The following CNTNAP3 variants were observed in gnomAD, a reference collection of about 807,000 sequenced individuals.
The protein encoded by CNTNAP3 is contactin-associated protein-like 3.
In CNTNAP3, 36 loss-of-function variants were observed where a neutral mutation model predicts 92.1. The ratio of observed to expected loss-of-function variants is 0.39; its 90% CI spans 0.30 to 0.52. The LOEUF (loss-of-function observed/expected upper bound fraction) is 0.52, where lower values mean the gene tolerates loss of function less well. Ranked by LOEUF, CNTNAP3 falls within the 20% of genes least tolerant of loss-of-function variation. The pLI is 0.76. For missense variants in CNTNAP3, 534 were observed against 1,069.6 expected, an observed-to-expected ratio of 0.50 and a Z score of 6.98; for synonymous variants, 232 against 422.3, an observed-to-expected ratio of 0.55 and a Z score of 5.53.
At position 39,228,544 on chromosome 9, in the gene CNTNAP3, C is replaced by CT. The variant is rs1166589488; in HGVS notation, c.390+10448dup. On this transcript the variant is annotated intron_variant, in intron 3 of 23. Coordinates refer to ENST00000297668, the MANE Select transcript of CNTNAP3 (RefSeq NM_033655.5). The stretch of plus-strand genomic sequence containing the variant: ...TATTAAAAACTGTGAGCCGTTGAAT[C>CT]TTTTTTTTTTTTTTTTGAGACAGAG... Among the ~76,000 whole-genome samples, 5 of 3,126 alleles carry CT rather than the reference C, an allele frequency of 1.6e-3. 2 individuals carry two copies. The Non-Finnish European group carries it at 0.14, about 89-fold the overall frequency. 2.1% of individuals were successfully genotyped at this position (3,126 alleles called of 152,430 possible).
chr9:39,109,139 C>A (rs1563880629), intron 15 of CNTNAP3, 21 bp downstream of exon 15: 3 of 1,599,570 alleles, frequency 1.9e-6, no homozygotes, highest in Non-Finnish European at 8.5e-7. Context: ...GAAAATAAAG[C>A]TTTTTCTTGA....
At chr9:39,170,530 G>T (rs1230717049) in intron 8 of CNTNAP3, among the ~76,000 whole-genome samples, 1 of 56,758 alleles carries the variant, frequency 1.8e-5, no homozygotes, top group African/African-American at 1.7e-4. Flanking sequence ...TCAAAATCCA[G>T]CAGCTCTGTA....
chr9:39,092,834 G>T (rs2118447621), intron 18 of CNTNAP3, among the ~76,000 whole-genome samples: 1 of 140,314 alleles, frequency 7.1e-6, no homozygotes, highest in Admixed American at 6.9e-5. Context: ...TTTATTCCTA[G>T]TTTTTCTATT....
intron 21 of CNTNAP3, 66 bp from the exon 22 acceptor site, chr9:39,078,986 G>C (rs1294021237): frequency 4.9e-6 from 7 of 1,430,708 alleles, no homozygotes; most frequent in Non-Finnish European, 6.6e-6. Flanking sequence ...GGCACACCCC[G>C]CATCTGCAAG....
intron 15 of CNTNAP3, among the ~76,000 whole-genome samples, chr9:39,106,287 A>G (rs1826605178): frequency 6.6e-6 from 1 of 152,144 alleles, no homozygotes; most frequent in Admixed American, 6.5e-5. Context: ...TTCTTCATTA[A>G]TCAATTTATT....
intron 8 of CNTNAP3, among the ~76,000 whole-genome samples, chr9:39,170,364 G>A (rs1344369081): frequency 4.1e-5 from 4 of 98,336 alleles, no homozygotes; most frequent in Non-Finnish European, 7.1e-5. Flanking sequence ...ATTACCCCCT[G>A]GTCTCAAGCA....
intron 21 of CNTNAP3, among the ~76,000 whole-genome samples, chr9:39,082,036 G>A (rs572519505): frequency 3.4e-5 from 5 of 148,310 alleles, no homozygotes; most frequent in South Asian, 4.3e-4. Flanking sequence ...GCAGTGAGCC[G>A]AGTTCACGCC....
intron 21 of CNTNAP3, among the ~76,000 whole-genome samples, chr9:39,080,387 A>G (rs1035081923): frequency 2.2e-5 from 3 of 135,874 alleles, no homozygotes; most frequent in Non-Finnish European, 4.8e-5. Context: ...TTACTCTCCC[A>G]TTTTGTAGTT....
At chr9:39,093,428 G>T (rs1826255756) in intron 18 of CNTNAP3, among the ~76,000 whole-genome samples, 1 of 131,302 alleles carries the variant, frequency 7.6e-6, no homozygotes, top group Non-Finnish European at 1.7e-5. Flanking sequence ...AAATTCAGTA[G>T]CATTAAATTC....
intron 23 of CNTNAP3, among the ~76,000 whole-genome samples, chr9:39,076,072 T>C (rs1825754022): frequency 6.6e-6 from 1 of 152,262 alleles, no homozygotes; most frequent in Admixed American, 6.5e-5. Context: ...TTTCATCCCC[T>C]CGTTCAGGCT....
intron 23 of CNTNAP3, among the ~76,000 whole-genome samples, chr9:39,075,877 G>A (rs1825748664): frequency 1.3e-5 from 2 of 152,306 alleles, no homozygotes; most frequent in South Asian, 2.1e-4. Context: ...TTAATCAGAG[G>A]TCTGTCCCAA....
At chr9:39,138,477 CAAGAA>C (rs1821495533) in intron 12 of CNTNAP3, among the ~76,000 whole-genome samples, 1 of 116,136 alleles carries the variant, frequency 8.6e-6, no homozygotes, top group African/African-American at 3.2e-5. Flanking sequence ...CAAAACAAAA[CAAGAA>C]AACAAAACAC....
At chr9:39,076,384 A>C (rs1825764523) in intron 23 of CNTNAP3, among the ~76,000 whole-genome samples, 1 of 152,308 alleles carries the variant, frequency 6.6e-6, no homozygotes, top group African/African-American at 2.4e-5. Flanking sequence ...ATTTGATTTA[A>C]AATTGAACAC....
intron 14 of CNTNAP3, among the ~76,000 whole-genome samples, chr9:39,112,937 C>A (rs572822327): frequency 4.4e-4 from 67 of 152,234 alleles, no homozygotes; most frequent in African/African-American, 1.5e-3. Context: ...TTGCTGCAAT[C>A]CACACAAGTA....
At chr9:39,121,626 CTAAT>C (rs1821023424) in intron 13 of CNTNAP3, among the ~76,000 whole-genome samples, 1 of 152,100 alleles carries the variant, frequency 6.6e-6, no homozygotes, top group Non-Finnish European at 1.5e-5. Context: ...ATGTAACTGA[CTAAT>C]TGATGGATAC....
rs368796414 is a variant in CNTNAP3 at position 39,085,766 on chromosome 9, C to T, written c.3412G>A (p.Val1138Ile). ...ILSSGTEFNA[V>I]KSLILGKVLE... The stretch of plus-strand genomic sequence containing the variant: ...ACCTTTCCCAATATGAGAGATTTGA[C>T]GGCGTTGAATTCTGTCCCTGAGGAC... The change falls in exon 21 of 24, where the codon GTC becomes ATC. Residue 1138 changes from valine to isoleucine, a missense_variant. By Grantham distance (29) the Val-to-Ile change is conservative. Transcript: ENST00000297668. 3.8e-5 allele frequency: 59 copies of T among 1,562,084 alleles called. 1 individual carries two copies. The highest frequency in any genetic ancestry group is 2.3e-4 in the Middle Eastern group (1 of 4,336).
intron 13 of CNTNAP3, among the ~76,000 whole-genome samples, chr9:39,122,894 A>G (rs1235170040): frequency 1.3e-5 from 2 of 152,164 alleles, no homozygotes; most frequent in Non-Finnish European, 2.9e-5. Flanking sequence ...TGAAATTTCA[A>G]AGAATCAGAA....
chr9:39,114,847 T>C (rs1820817286), intron 14 of CNTNAP3, among the ~76,000 whole-genome samples: 2 of 151,894 alleles, frequency 1.3e-5, no homozygotes, highest in East Asian at 1.9e-4. Flanking sequence ...GTCATCATTA[T>C]ATTAGCAAAA....
At chr9:39,099,506 A>C (rs1826403412) in intron 18 of CNTNAP3, among the ~76,000 whole-genome samples, 1 of 152,216 alleles carries the variant, frequency 6.6e-6, no homozygotes, top group East Asian at 1.9e-4. Context: ...GCTCAAGCCT[A>C]GGAGTTCAAG....
Sources: allele counts gnomAD v4.1 joint callset (sites outside exome capture counted in the v4.1 genomes callset), GRCh38; gene constraint gnomAD v4.1.1; transcripts MANE v1.5; gene names NCBI Gene and HGNC (gene_info 2026-07-23, HGNC 2026-07-21).